Variants in YEATS2 observed in about 807,000 individuals in gnomAD.
YEATS2 encodes YEATS domain-containing protein 2.
In YEATS2, 77 loss-of-function variants were observed where a neutral mutation model predicts 163.2. The ratio of observed to expected loss-of-function variants is 0.47; its 90% confidence interval spans 0.39 to 0.57. YEATS2 has a LOEUF of 0.57. Ranked by LOEUF, YEATS2 falls within the 20% of genes least tolerant of loss-of-function variation. The pLI is 0.00. For synonymous variants in YEATS2, 631 were observed against 645.1 expected (o/e 0.98, Z 0.33); for missense variants, 1,549 against 1,729.8 (o/e 0.90, Z 1.85).
chr3:183,741,154 G>T (rs1472716774), intron 8 of YEATS2, among the ~76,000 whole-genome samples: 2 of 151,788 alleles, frequency 1.3e-5, no homozygotes, highest in Non-Finnish European at 2.9e-5. Context: ...GTCCTGGCTG[G>T]TCTCAAACTC....
At chr3:183,774,223 C>T (rs970285168) in intron 17 of YEATS2, among the ~76,000 whole-genome samples, 6 of 152,156 alleles carry the variant, frequency 3.9e-5, no homozygotes, top group Admixed American at 6.6e-5. Flanking sequence ...ACCCCTGGGC[C>T]GCACAGCAGA....
chr3:183,801,392 A>G (rs2108516480), intron 24 of YEATS2, 63 bp from the exon 25 acceptor site: 3 of 1,169,982 alleles, frequency 2.6e-6, no homozygotes, highest in Non-Finnish European at 1.2e-6. Context: ...TGGCATATAT[A>G]TGGCTATAGA....
chr3:183,778,966 T>A (rs1367009573), intron 19 of YEATS2, among the ~76,000 whole-genome samples: 11 of 152,102 alleles, frequency 7.2e-5, no homozygotes, highest in African/African-American at 2.7e-4. Flanking sequence ...TTATATATAT[T>A]TTTTGAGACA....
intron 15 of YEATS2, among the ~76,000 whole-genome samples, chr3:183,767,118 C>A (rs1721983164): frequency 6.6e-6 from 1 of 152,172 alleles, no homozygotes; most frequent in Admixed American, 6.5e-5. Flanking sequence ...CTCCTGTTTT[C>A]CAGAAGGAAG....
At chr3:183,740,713 G>T (rs561948672) in intron 8 of YEATS2, among the ~76,000 whole-genome samples, 1 of 152,356 alleles carries the variant, frequency 6.6e-6, no homozygotes, top group South Asian at 2.1e-4. Context: ...GTTGCAAGGT[G>T]AAGCAGCAAG....
chr3:183,808,071 G>A lies in YEATS2; in HGVS notation c.4053G>A (p.Val1351=), dbSNP rs1347449180. The change falls in exon 29 of 31, where the codon GTG becomes GTA. Residue 1351 remains valine (V), a synonymous_variant. Transcript: ENST00000305135. The stretch of plus-strand genomic sequence containing the variant: ...AGCCCGTGGCACTCCACAGGAACGT[G>A]TATGCGTCCGTGGTGGAGGACATGA... ...TLQPVALHRN[V]YASVVEDMIL... 1 of 1,560,058 alleles carries A rather than the reference G, an allele frequency of 6.4e-7. No homozygotes were observed.
intron 11 of YEATS2, among the ~76,000 whole-genome samples, chr3:183,755,769 T>TTTTTC (rs1488662340): frequency 2.9e-5 from 3 of 103,848 alleles, no homozygotes; most frequent in East Asian, 3.9e-4. Context: ...TTTTTTTTTT[T>TTTTTC]TGAGACAGAG....
At chr3:183,774,552 T>TA (rs1394587607) in intron 17 of YEATS2, among the ~76,000 whole-genome samples, 4 of 152,118 alleles carry the variant, frequency 2.6e-5, no homozygotes, top group Admixed American at 1.3e-4. Context: ...GAAAGAGAAA[T>TA]ACAGACTCTA....
At chr3:183,705,436 TTGTA>T (rs748170704) in intron 1 of YEATS2, among the ~76,000 whole-genome samples, 1 of 152,220 alleles carries the variant, frequency 6.6e-6, no homozygotes, top group Non-Finnish European at 1.5e-5. Flanking sequence ...TTTCTGTTTG[TTGTA>T]TGTATTTTGA....
Position 183,793,490 on chromosome 3 carries a change from A to G in YEATS2, c.3097+2510A>G, listed in dbSNP as rs1724851052. 7.2e-6 allele frequency: 4 copies of G among 555,198 alleles called. No homozygotes were observed. The South Asian group carries it at 3.3e-4, about 46-fold the overall frequency. 34.4% of individuals were successfully genotyped at this position (555,198 alleles called of 1,614,324 possible). On this transcript the variant is annotated intron_variant, in intron 21 of 30. Transcript: ENST00000305135. The stretch of plus-strand genomic sequence containing the variant: ...ATAAAAGGAATTATTATAATAATGA[A>G]TACCTTGTCTGTTTTCTGATCATGT...
chr3:183,762,259 G>A lies in YEATS2; in HGVS notation c.1927G>A (p.Ala643Thr). The change falls in exon 15 of 31, where the codon GCA (alanine) becomes ACA (threonine). Residue 643 changes from alanine to threonine, a missense_variant. Transcript: ENST00000305135. Reference sequence around the variant, plus strand: ...TCCTGGAGAAGGGATTGCCCAGTCAGCAAAGGTTCAGCCCTCCAAGGTTTG... The same window carrying A: ...TCCTGGAGAAGGGATTGCCCAGTCAACAAAGGTTCAGCCCTCCAAGGTTTG... Reference protein sequence around the residue: ...ITPGEGIAQSAKVQPSKVVGV... With the variant: ...ITPGEGIAQSTKVQPSKVVGV... 6.2e-7 allele frequency: 1 copy of A among 1,604,054 alleles called. No homozygotes were observed. Among genetic ancestry groups the A allele is most frequent in the South Asian group, 1.1e-5 (1 of 90,430 alleles).
intron 8 of YEATS2, among the ~76,000 whole-genome samples, chr3:183,737,965 A>G (rs1207802289): frequency 2.6e-5 from 4 of 152,066 alleles, no homozygotes; most frequent in East Asian, 1.9e-4. Context: ...TCTCTGTCAC[A>G]TTTTGGTAAT....
intron 26 of YEATS2, chr3:183,803,615 T>G: frequency 1.9e-6 from 1 of 512,836 alleles, no homozygotes. Context: ...GAAGGTGCTG[T>G]GGTGAGTTTA....
intron 11 of YEATS2, among the ~76,000 whole-genome samples, chr3:183,754,612 A>G (rs59479817): frequency 0.027 from 4,079 of 152,310 alleles, 178 homozygotes; most frequent in African/African-American, 0.092. Flanking sequence ...TGCCAGAATC[A>G]GCACAGGTAA....
At chr3:183,795,726 T>C (rs896379159) in intron 21 of YEATS2, among the ~76,000 whole-genome samples, 1 of 152,136 alleles carries the variant, frequency 6.6e-6, no homozygotes, top group Non-Finnish European at 1.5e-5. Context: ...TATTTAGTTA[T>C]AAGCCTTTTA....
intron 11 of YEATS2, among the ~76,000 whole-genome samples, chr3:183,755,997 C>T (rs888205955): frequency 6.6e-6 from 1 of 151,932 alleles, no homozygotes; most frequent in African/African-American, 2.4e-5. Context: ...CCGCCTGCCT[C>T]GGCCTCCCAA....
At chr3:183,806,822 C>A in intron 27 of YEATS2, 44 bp from the exon 28 acceptor site, 2 of 1,604,216 alleles carry the variant, frequency 1.2e-6, no homozygotes, top group East Asian at 2.2e-5. Context: ...AGTCCTCTTC[C>A]GTTGGCCCCA....
In YEATS2 at chr3:183,722,048, T is replaced by C; in HGVS notation, c.449T>C (p.Leu150Ser). 3.1e-6 allele frequency: 5 copies of C among 1,614,120 alleles called. No homozygotes were observed. In the South Asian group the frequency reaches 5.5e-5, roughly 18 times the overall value. Residue 150 changes from leucine to serine, a missense_variant, in exon 5 of 31, where the codon TTA (leucine) becomes TCA (serine). Transcript: ENST00000305135. Reference sequence around the variant, plus strand: ...TCTTTATCTCAGCACAATGACTTCTTATCTGACAAAGATAATAACAGCAAT... The same window carrying C: ...TCTTTATCTCAGCACAATGACTTCTCATCTGACAAAGATAATAACAGCAAT... ...SDSLSQHNDF[L>S]SDKDNNSNMD...
At chr3:183,777,763 C>T (rs982042872) in intron 19 of YEATS2, 63 bp downstream of exon 19, 14 of 1,532,634 alleles carry the variant, frequency 9.1e-6, no homozygotes, top group Middle Eastern at 1.7e-4. Context: ...TACATATTTA[C>T]ATGTAGTTTC....
Sources: gnomAD v4.1 joint callset for allele counts (sites outside exome capture counted in the v4.1 genomes callset) on GRCh38, gnomAD v4.1.1 for gene constraint, MANE v1.5 for transcripts, NCBI Gene and HGNC (gene_info 2026-07-23, HGNC 2026-07-21) for gene names.